HBP1: variants seen among roughly 807,000 people sequenced by gnomAD.
HBP1 encodes the protein HMG box-containing protein 1.
Under a neutral mutation model 62.6 loss-of-function variants are expected in HBP1, and 20 were observed. The observed-to-expected ratio is 0.32, with a 90% CI of 0.22 to 0.46. The LOEUF (loss-of-function observed/expected upper bound fraction) is 0.46. Among genes scored for constraint, HBP1 ranks in the 20% least tolerant of loss-of-function variants. The pLI is 1.00. For missense variants in HBP1, 480 were observed against 611.8 expected, an observed-to-expected ratio of 0.78 and a Z score of 2.27; for synonymous variants, 232 against 206.2, an observed-to-expected ratio of 1.12 and a Z score of -1.07.
chr7:107,189,525 A>T, intron 7 of HBP1, 77 bp downstream of exon 7: 1 of 1,132,512 alleles, frequency 8.8e-7, no homozygotes, highest in Non-Finnish European at 1.3e-6. Flanking sequence ...TGTAGCTTTG[A>T]TGATTAAGAA....
At chr7:107,173,113 A>G (rs1298116827) in intron 1 of HBP1, among the ~76,000 whole-genome samples, 1 of 152,240 alleles carries the variant, frequency 6.6e-6, no homozygotes, top group Non-Finnish European at 1.5e-5. Context: ...AAAGAACAGC[A>G]TTACAGCCTC....
intron 9 of HBP1, 126 bp downstream of exon 9, chr7:107,196,277 G>C: frequency 1.4e-6 from 1 of 731,354 alleles, no homozygotes; most frequent in Non-Finnish European, 2.4e-6. Context: ...TGACTTTTTT[G>C]TTTGTTTTTG....
At position 107,201,415 on chromosome 7, in the gene HBP1, G is replaced by C; in HGVS notation, c.1529G>C (p.Gly510Ala). The change falls in exon 11 of 11, where the codon GGC becomes GCC. Residue 510 changes from glycine (G) to alanine (A), a missense_variant and splice_region_variant. By Grantham distance (60) the Gly-to-Ala change is moderately conservative. Around this residue, in one of 4 missense-constraint regions of HBP1, gnomAD observed 52 missense variants for 96.0 expected, o/e 0.54. Transcript: ENST00000222574. The stretch of plus-strand genomic sequence containing the variant: ...CTGAGTTTAATTTTATTTCCACAGG[G>C]CTCACAACAACATTAAACCAGGATG... ...DCWKRKRTNSGSQQH is the reference protein window; with the variant it reads ...DCWKRKRTNSASQQH The C allele has an allele frequency of 6.4e-7, 1 of 1,572,616 alleles. No individual in the cohort carries two copies. Among genetic ancestry groups the C allele is most frequent in the Non-Finnish European group, 8.7e-7 (1 of 1,143,720 alleles).
intron 8 of HBP1, among the ~76,000 whole-genome samples, chr7:107,191,897 C>A (rs1797672073): frequency 6.6e-6 from 1 of 152,122 alleles, no homozygotes; most frequent in African/African-American, 2.4e-5. Context: ...AGACTCTGCA[C>A]ATAGTTGTGC....
At chr7:107,178,811 T>A (rs180895415) in intron 1 of HBP1, among the ~76,000 whole-genome samples, 1,917 of 152,302 alleles carry the variant, frequency 0.013, 22 homozygotes, top group Non-Finnish European at 0.021. Context: ...GGCGGGTGGA[T>A]CACCTGAGAT....
intron 1 of HBP1, among the ~76,000 whole-genome samples, chr7:107,171,088 T>A (rs1796568020): frequency 5.2e-5 from 7 of 134,174 alleles, no homozygotes; most frequent in East Asian, 2.1e-4. Flanking sequence ...TTTTTTTTTT[T>A]GAGAGGGAGT....
intron 9 of HBP1, chr7:107,196,467 A>G: frequency 5.7e-6 from 2 of 351,872 alleles, no homozygotes; most frequent in Non-Finnish European, 1.1e-5. Context: ...ACAGGGTTTC[A>G]CCATGTTGGC....
At chr7:107,175,443 T>G (rs191797053) in intron 1 of HBP1, among the ~76,000 whole-genome samples, 3 of 152,330 alleles carry the variant, frequency 2.0e-5, no homozygotes, top group Admixed American at 6.5e-5. Flanking sequence ...AATCTGGTAT[T>G]TAAACTCAGG....
In HBP1 at chr7:107,171,073, A is replaced by ATTTTTTTTTTTTTTT. The variant is rs60734729; in HGVS notation, c.-16+1889_-16+1903dup. ...TATATATATATATATATATATATATATTTTTTTTTTTTTTTGAGAGGGAGT... is the reference window on the plus strand; with the variant it reads ...TATATATATATATATATATATATATATTTTTTTTTTTTTTTTTTTTTTTTTTTTTTGAGAGGGAGT... On this transcript the variant is annotated intron_variant, in intron 1 of 10. Transcript: ENST00000222574. Among the ~76,000 whole-genome samples the ATTTTTTTTTTTTTTT allele has an allele frequency of 1.1e-4, 10 of 87,200 alleles. 1 individual carries two copies. The highest frequency in any genetic ancestry group is 5.3e-4 in the African/African-American group (8 of 15,124). The allele number at this position is 87,200 out of a possible 152,430, so 57.2% of individuals were successfully genotyped here.
rs1472060533 is a variant in HBP1, at chr7:107,174,688, G to A, written c.-15-5191G>A. ...CCAAGAACAGCACTGTTCATACACA[G>A]AGGATAGCTCTGAAGAGAGATACCT... On this transcript the variant is annotated intron_variant, in intron 1 of 10. Coordinates refer to ENST00000222574, the MANE Select transcript of HBP1 (RefSeq NM_012257.4). 16 of 984,746 alleles carry A rather than the reference G, an allele frequency of 1.6e-5. No homozygotes were observed. The South Asian group carries it at 3.8e-4, about 23-fold the overall frequency. 61.0% of individuals were successfully genotyped at this position (984,746 alleles called of 1,614,324 possible).
At chr7:107,200,605 CATT>C in intron 10 of HBP1, 1 of 213,514 alleles carries the variant, frequency 4.7e-6, no homozygotes, top group Admixed American at 5.9e-5. Context: ...GAAAGATAAG[CATT>C]ATTAATCCAT....
intron 8 of HBP1, 79 bp from the exon 9 acceptor site, chr7:107,195,750 CTTTTT>C (rs75208949): frequency 3.8e-6 from 2 of 532,066 alleles, no homozygotes; most frequent in Non-Finnish European, 5.7e-6. Context: ...CAGATGTTTT[CTTTTT>C]TTTTTTTTTA....
chr7:107,187,999 C>G (rs1037400314), intron 6 of HBP1, among the ~76,000 whole-genome samples: 2 of 152,166 alleles, frequency 1.3e-5, no homozygotes, highest in Non-Finnish European at 2.9e-5. Context: ...GTCAGGAAAC[C>G]TGGGCTCTCT....
At chr7:107,170,330 G>T (rs942299820) in intron 1 of HBP1, among the ~76,000 whole-genome samples, 20 of 152,140 alleles carry the variant, frequency 1.3e-4, no homozygotes, top group African/African-American at 4.8e-4. Flanking sequence ...GAAATTAAAG[G>T]TACTTTTTGA....
In HBP1 at chr7:107,201,486, G is replaced by A; in HGVS notation, c.*55G>A. ...TTTGCATATACATTGACTCTTGATG[G>A]AAAGACTTAAGAAGATCAAGGTCTC... On this transcript the variant is annotated 3_prime_UTR_variant, in exon 11 of 11. Transcript: ENST00000222574. 8.7e-7 allele frequency: 1 copy of A among 1,153,240 alleles called. No individual in the cohort carries two copies. The highest frequency in any genetic ancestry group is 1.3e-6 in the Non-Finnish European group (1 of 767,642). 71.4% of individuals were successfully genotyped at this position (1,153,240 alleles called of 1,614,324 possible).
intron 1 of HBP1, among the ~76,000 whole-genome samples, chr7:107,175,817 C>T (rs1415951017): frequency 6.6e-6 from 1 of 151,020 alleles, no homozygotes; most frequent in Non-Finnish European, 1.5e-5. Flanking sequence ...CCCAGGTTCA[C>T]GCCATTCTCC....
chr7:107,189,946 A>G, intron 7 of HBP1: 1 of 389,300 alleles, frequency 2.6e-6, no homozygotes, highest in East Asian at 4.2e-5. Context: ...GAGGAGCTCT[A>G]TATATAATAA....
At chr7:107,183,456 C>T (rs968533643) in intron 3 of HBP1, among the ~76,000 whole-genome samples, 11 of 152,238 alleles carry the variant, frequency 7.2e-5, no homozygotes, top group East Asian at 1.9e-4. Context: ...GGATATTGAT[C>T]TTGACTAGAG....
chr7:107,195,683 C>T (rs900789900), intron 8 of HBP1, 151 bp from the exon 9 acceptor site: 16 of 417,608 alleles, frequency 3.8e-5, no homozygotes, highest in Non-Finnish European at 6.6e-5. Flanking sequence ...CTATCAGTGG[C>T]AAAAGTTGTT....
Sources: allele counts gnomAD v4.1 joint callset (sites outside exome capture counted in the v4.1 genomes callset), GRCh38; gene constraint gnomAD v4.1.1; regional missense constraint gnomAD v4.1.1; transcripts MANE v1.5; gene names NCBI Gene and HGNC (gene_info 2026-07-23, HGNC 2026-07-21).